Variants in TPO observed in about 807,000 individuals in gnomAD.
The protein encoded by TPO is thyroid peroxidase.
In TPO, 78 loss-of-function variants were observed where a neutral mutation model predicts 96.9. The ratio of observed to expected loss-of-function variants is 0.81; its 90% CI spans 0.67 to 0.97. TPO has a LOEUF of 0.97. TPO is among the 50% of genes least tolerant of loss of function. The pLI is 0.00. For synonymous variants in TPO, 547 were observed against 538.0 expected (o/e 1.02, Z -0.23); for missense variants, 1,252 against 1,274.8 (o/e 0.98, Z 0.27).
intron 12 of TPO, 147 bp from the exon 13 acceptor site, chr2:1,496,448 G>C: frequency 8.5e-7 from 1 of 1,181,812 alleles, no homozygotes; most frequent in South Asian, 1.3e-5. Flanking sequence ...TGTGTGCTGC[G>C]TGGGTGCTCA....
At chr2:1,474,702 T>C (rs1669736496) in intron 7 of TPO, among the ~76,000 whole-genome samples, 1 of 152,232 alleles carries the variant, frequency 6.6e-6, no homozygotes, top group Admixed American at 6.5e-5. Context: ...CATTTTCCAA[T>C]GTGCTGCCAT....
chr2:1,496,551 T>C (rs1672370047), intron 12 of TPO, 44 bp from the exon 13 acceptor site: 1 of 1,612,034 alleles, frequency 6.2e-7, no homozygotes, highest in Admixed American at 1.7e-5. Flanking sequence ...GTGGTTTTCT[T>C]TTCTCGTAGT....
intron 1 of TPO, among the ~76,000 whole-genome samples, chr2:1,389,189 G>A (rs752977160): frequency 6.6e-5 from 10 of 152,244 alleles, no homozygotes; most frequent in Non-Finnish European, 1.5e-4. Context: ...GCTGGGATGA[G>A]GAGACAGTGG....
chr2:1,515,145 C>T (rs1306173007), intron 14 of TPO, among the ~76,000 whole-genome samples: 1 of 152,194 alleles, frequency 6.6e-6, no homozygotes, highest in Non-Finnish European at 1.5e-5. Context: ...CCTGGAATTC[C>T]CACCCAGGCC....
chr2:1,542,555 C>A lies in TPO; in HGVS notation c.*81C>A, dbSNP rs1042589. 8.2e-6 allele frequency: 13 copies of A among 1,594,808 alleles called. No homozygotes were observed. Among genetic ancestry groups the A allele is most frequent in the Admixed American group, 1.8e-5 (1 of 56,494 alleles). ...ACTCTTTTCCAAACACAGGCAAATC[C>A]GAAATCAGCAGGACGACTGTTTTCC... On this transcript the variant is annotated 3_prime_UTR_variant, in exon 17 of 17. Coordinates refer to ENST00000329066, the MANE Select transcript of TPO (RefSeq NM_001206744.2).
At chr2:1,432,109 G>C (rs1386126063) in intron 3 of TPO, among the ~76,000 whole-genome samples, 1 of 152,246 alleles carries the variant, frequency 6.6e-6, no homozygotes, top group Non-Finnish European at 1.5e-5. Context: ...CAGCTGTCTG[G>C]AGCCCCCAGA....
In TPO at chr2:1,493,890, C is replaced by T. The variant is rs140322336; in HGVS notation, c.1857C>T (p.Ala619=). The change falls in exon 11 of 17, where the codon GCC becomes GCT. Residue 619 remains alanine, a synonymous_variant. Transcript: ENST00000329066. ...CAGCCATCGCCAGCAGGAGCGTGGC[C>T]GACAAGATCCTGGACTTGTACAAGC... ...LSTAIASRSV[A]DKILDLYKHP... 31 of 1,614,036 alleles carry T rather than the reference C, an allele frequency of 1.9e-5. No individual in the cohort carries two copies. The highest frequency in any genetic ancestry group is 1.3e-4 in the East Asian group (6 of 44,870).
At chr2:1,524,945 G>A (rs1473177970) in intron 15 of TPO, among the ~76,000 whole-genome samples, 6 of 30,904 alleles carry the variant, frequency 1.9e-4, no homozygotes, top group African/African-American at 8.7e-4. Flanking sequence ...CTCAAATCCC[G>A]ACTCTGTGCA....
chr2:1,446,404 C>T (rs10193135), intron 5 of TPO, among the ~76,000 whole-genome samples: 11,501 of 152,216 alleles, frequency 0.076, 771 homozygotes, highest in African/African-American at 0.17. Flanking sequence ...TTCCAAGTGG[C>T]TGCTCCAATC....
intron 7 of TPO, among the ~76,000 whole-genome samples, chr2:1,466,857 T>G (rs1005501431): frequency 3.3e-5 from 5 of 151,476 alleles, no homozygotes; most frequent in African/African-American, 7.2e-5. Flanking sequence ...TCTTTTGTAT[T>G]TTTTTTGTTG....
chr2:1,537,038 ACT>A (rs1679871183), intron 15 of TPO, among the ~76,000 whole-genome samples: 3 of 31,946 alleles, frequency 9.4e-5, no homozygotes, highest in Non-Finnish European at 1.7e-4. Context: ...AAATACCCCC[ACT>A]GTGTGCAACC....
At chr2:1,412,374 C>A (rs1396453855), upstream of TPO, among the ~76,000 whole-genome samples, 1 of 152,314 alleles carries the variant, frequency 6.6e-6, no homozygotes, top group Non-Finnish European at 1.5e-5. Context: ...GGTCCTTCCT[C>A]TCTATCCAAA....
chr2:1,402,743 C>T (rs967469893), intron 1 of TPO, among the ~76,000 whole-genome samples: 3 of 152,108 alleles, frequency 2.0e-5, no homozygotes, highest in African/African-American at 7.2e-5. Context: ...GGGAAAACTG[C>T]CCCCAGGATT....
At chr2:1,382,945 C>A (rs1205545824) in intron 1 of TPO, among the ~76,000 whole-genome samples, 1 of 139,084 alleles carries the variant, frequency 7.2e-6, no homozygotes, top group African/African-American at 2.7e-5. Context: ...TCTCATTGTT[C>A]AATCCCACCT....
chr2:1,472,790 C>T (rs1558326094), intron 7 of TPO, among the ~76,000 whole-genome samples: 1 of 88,164 alleles, frequency 1.1e-5, no homozygotes, highest in African/African-American at 4.8e-5. Context: ...TGGCAACAGC[C>T]TTGTTTTTTT....
chr2:1,529,269 C>A (rs375129446), intron 15 of TPO, among the ~76,000 whole-genome samples: 1 of 121,398 alleles, frequency 8.2e-6, no homozygotes. Context: ...GTGCAACCTC[C>A]TCAAATCCCC....
intron 7 of TPO, among the ~76,000 whole-genome samples, chr2:1,459,532 G>T (rs1435606186): frequency 1.3e-5 from 2 of 152,132 alleles, no homozygotes; most frequent in African/African-American, 2.4e-5. Context: ...AACTTCACTG[G>T]CAGTTATTCT....
chr2:1,412,109 T>C (rs1369249624), upstream of TPO, among the ~76,000 whole-genome samples: 10 of 152,202 alleles, frequency 6.6e-5, no homozygotes, highest in Non-Finnish European at 1.5e-4. Flanking sequence ...CATTTCCAAA[T>C]GCCCAAGAGC....
chr2:1,497,451 A>G (rs1449969666), intron 13 of TPO, among the ~76,000 whole-genome samples: 1 of 152,194 alleles, frequency 6.6e-6, no homozygotes, highest in Non-Finnish European at 1.5e-5. Context: ...CAGCAGAATG[A>G]GAGTCCCCAT....
Sources: allele counts gnomAD v4.1 joint callset (sites outside exome capture counted in the v4.1 genomes callset), GRCh38; gene constraint gnomAD v4.1.1; transcripts MANE v1.5; gene names NCBI Gene and HGNC (gene_info 2026-07-23, HGNC 2026-07-21).